Variants in TPX2 observed in about 807,000 individuals in gnomAD.
The protein encoded by TPX2 is TPX2 microtubule nucleation factor.
In TPX2, 21 loss-of-function variants were observed where a neutral mutation model predicts 93.6. The ratio of observed to expected loss-of-function variants is 0.22; its 90% CI spans 0.16 to 0.32. The LOEUF is 0.32. Ranked by LOEUF, TPX2 falls within the 10% of genes least tolerant of loss-of-function variation. The pLI is 1.00. For synonymous variants in TPX2, 281 were observed against 298.3 expected (o/e 0.94, Z 0.60); for missense variants, 776 against 871.1 (o/e 0.89, Z 1.37).
intron 12 of TPX2, among the ~76,000 whole-genome samples, chr20:31,788,417 CAAAAAAAAAAAA>C (rs11356550): frequency 1.0e-4 from 7 of 68,698 alleles, no homozygotes; most frequent in African/African-American, 3.0e-4. Flanking sequence ...GACTCTGTCT[CAAAAAAAAAAAA>C]AAAAAAAAAA....
intron 9 of TPX2, among the ~76,000 whole-genome samples, chr20:31,778,404 C>G (rs931735316): frequency 1.3e-5 from 2 of 152,078 alleles, no homozygotes; most frequent in African/African-American, 4.8e-5. Flanking sequence ...TGGAGAGATT[C>G]CACTGATTCA....
chr20:31,773,582 G>T (rs929999601), intron 7 of TPX2, among the ~76,000 whole-genome samples: 2 of 152,168 alleles, frequency 1.3e-5, no homozygotes, highest in Admixed American at 6.5e-5. Context: ...GAGCCACCAT[G>T]CCTGGCCTGA....
intron 4 of TPX2, among the ~76,000 whole-genome samples, chr20:31,764,397 G>A (rs1005529614): frequency 2.0e-5 from 3 of 151,990 alleles, no homozygotes; most frequent in African/African-American, 7.3e-5. Flanking sequence ...TTGAACTCCT[G>A]GGCTCAAGTG....
rs533971723 is a variant in TPX2 at position 31,755,678 on chromosome 20, T to C, written c.-70-1729T>C. Among the ~76,000 whole-genome samples, 23 of 152,034 alleles carry C rather than the reference T, an allele frequency of 1.5e-4. No individual in the cohort carries two copies. In the Middle Eastern group the frequency reaches 0.014, roughly 90 times the overall value. On this transcript the variant is annotated intron_variant, in intron 2 of 17. Transcript: ENST00000300403. ...CTAGAGACTGAGGCAGGAGAATTGCTTGAACCCGGAAGGCAGAGGTTGTGG... is the reference window on the plus strand; with the variant it reads ...CTAGAGACTGAGGCAGGAGAATTGCCTGAACCCGGAAGGCAGAGGTTGTGG...
At chr20:31,782,709 G>A (rs1376869949) in intron 11 of TPX2, among the ~76,000 whole-genome samples, 2 of 151,968 alleles carry the variant, frequency 1.3e-5, no homozygotes, top group African/African-American at 4.8e-5. Context: ...GCAACATGGT[G>A]AAACCCCATC....
chr20:31,751,722 G>C (rs1451489932), intron 2 of TPX2, among the ~76,000 whole-genome samples: 1 of 152,108 alleles, frequency 6.6e-6, no homozygotes, highest in African/African-American at 2.4e-5. Context: ...CAGAAAATGT[G>C]GCTATAATGG....
At chr20:31,751,299 C>T (rs1201162961) in intron 2 of TPX2, among the ~76,000 whole-genome samples, 1 of 152,124 alleles carries the variant, frequency 6.6e-6, no homozygotes, top group Non-Finnish European at 1.5e-5. Flanking sequence ...CCTCTTCCTT[C>T]CCCCAGCTTT....
chr20:31,759,973 G>T, intron 3 of TPX2, 84 bp from the exon 4 acceptor site: 2 of 1,565,532 alleles, frequency 1.3e-6, no homozygotes, highest in Non-Finnish European at 1.7e-6. Context: ...CTGGTAGGGA[G>T]CTTTAGTTTG....
At chr20:31,755,953 G>T (rs1262247971) in intron 2 of TPX2, among the ~76,000 whole-genome samples, 1 of 152,188 alleles carries the variant, frequency 6.6e-6, no homozygotes, top group African/African-American at 2.4e-5. Flanking sequence ...CAGGAGTAGG[G>T]AGGGGCCTAT....
intron 2 of TPX2, among the ~76,000 whole-genome samples, chr20:31,749,482 A>C (rs1475665552): frequency 6.6e-6 from 1 of 152,166 alleles, no homozygotes. Context: ...AGTGTCTGGC[A>C]TGTCATAAGT....
chr20:31,788,135 G>A (rs948641391), intron 12 of TPX2, among the ~76,000 whole-genome samples: 3 of 152,006 alleles, frequency 2.0e-5, no homozygotes, highest in Admixed American at 6.6e-5. Context: ...AGAGTAAGTC[G>A]GCCAGGCGCG....
intron 4 of TPX2, among the ~76,000 whole-genome samples, chr20:31,764,731 G>A (rs1353800390): frequency 1.3e-5 from 2 of 152,078 alleles, no homozygotes; most frequent in Non-Finnish European, 2.9e-5. Context: ...TTGTGTGTGC[G>A]TGTGAGTCTC....
rs2061965465 is a variant in TPX2 at position 31,771,683 on chromosome 20, G to A, written c.608+1G>A. ...CTGTGCCTTGTATGCCACCTGCAAA[G>A]TAAGTTTCTTTCCTGAATTTAAACT... On this transcript the variant is annotated splice_donor_variant, in intron 7 of 17. Coordinates refer to ENST00000300403, the MANE Select transcript of TPX2 (RefSeq NM_012112.5). LOFTEE classifies it high-confidence loss of function. The A allele has an allele frequency of 4.4e-6, 7 of 1,597,688 alleles. No individual in the cohort carries two copies. The East Asian group carries it at 1.6e-4, about 36-fold the overall frequency.
chr20:31,752,687 A>G (rs758214733), intron 2 of TPX2, among the ~76,000 whole-genome samples: 1 of 151,854 alleles, frequency 6.6e-6, no homozygotes, highest in Non-Finnish European at 1.5e-5. Flanking sequence ...ATCTCGGCTC[A>G]CTGCAAGCTC....
chr20:31,782,453 C>A, intron 11 of TPX2, 63 bp downstream of exon 11: 1 of 1,533,476 alleles, frequency 6.5e-7, no homozygotes, highest in South Asian at 1.3e-5. Context: ...ATTTTCAGTT[C>A]TGTTAGGGTG....
intron 10 of TPX2, chr20:31,781,077 C>T (rs1276459674): frequency 1.0e-5 from 2 of 190,610 alleles, no homozygotes; most frequent in Non-Finnish European, 2.2e-5. Flanking sequence ...GTGCATGCCA[C>T]CATGCTTACC....
At chr20:31,784,032 C>G in intron 12 of TPX2, 111 bp downstream of exon 12, 1 of 1,158,060 alleles carries the variant, frequency 8.6e-7, no homozygotes, top group South Asian at 1.4e-5. Flanking sequence ...ATATTAGGAA[C>G]TGCAGGTGAT....
intron 2 of TPX2, among the ~76,000 whole-genome samples, chr20:31,743,172 A>T (rs568130340): frequency 6.6e-6 from 1 of 152,224 alleles, no homozygotes; most frequent in African/African-American, 2.4e-5. Context: ...CCAAGATCTC[A>T]TCACTGCACT....
At chr20:31,754,342 A>G (rs1222391684) in intron 2 of TPX2, among the ~76,000 whole-genome samples, 1 of 152,132 alleles carries the variant, frequency 6.6e-6, no homozygotes, top group East Asian at 1.9e-4. Flanking sequence ...CGTCCTCCCA[A>G]AGTGCTGGGA....
Sources: gnomAD v4.1 joint callset for allele counts (sites outside exome capture counted in the v4.1 genomes callset) on GRCh38, gnomAD v4.1.1 for gene constraint, MANE v1.5 for transcripts, NCBI Gene and HGNC (gene_info 2026-07-23, HGNC 2026-07-21) for gene names.